The following ITGB4 variants were observed in gnomAD, a reference collection of about 807,000 sequenced individuals.
ITGB4 encodes integrin beta-4.
Under a neutral mutation model 207.6 loss-of-function variants are expected in ITGB4, and 159 were observed. That is an observed-to-expected ratio of 0.77 (90% CI 0.67 to 0.87). ITGB4 has a LOEUF of 0.87. Ranked by LOEUF, ITGB4 falls within the 40% of genes least tolerant of loss-of-function variation. The pLI, the probability that ITGB4 is intolerant of heterozygous loss-of-function variation, is 0.00. For synonymous variants in ITGB4, 1,020 were observed against 1,062.7 expected, an observed-to-expected ratio of 0.96 and a Z score of 0.78; for missense variants, 2,278 against 2,546.8, an observed-to-expected ratio of 0.89 and a Z score of 2.27.
At chr17:75,743,595 T>G in intron 25 of ITGB4, 118 bp from the exon 26 acceptor site, 1 of 1,385,772 alleles carries the variant, frequency 7.2e-7, no homozygotes, top group South Asian at 1.2e-5. Context: ...GGGCAATGCA[T>G]AGAGGGAACC....
In ITGB4 at chr17:75,742,781, G is replaced by A; in HGVS notation, c.2962+20G>A. 6.2e-7 allele frequency: 1 copy of A among 1,600,476 alleles called. No homozygotes were observed. Among genetic ancestry groups the A allele is most frequent in the South Asian group, 1.1e-5 (1 of 90,890 alleles). On this transcript the variant is annotated intron_variant, in intron 25 of 39. Transcript: ENST00000200181. This position sits in a 1 kb window ranked among gnomAD's most constrained non-coding sequence, Gnocchi z 5.9. ...AGCAAGGTGGGTCTGGGTGGGGAGA[G>A]TGGGGAAGGCAGACGGGGGCTCGGG...
Position 75,732,117 on chromosome 17 carries a change from G to T in ITGB4, c.1378-46G>T. ...GAGAGCGGAAGTGTCCAGTGGCCCC[G>T]GTCCTGCTCCCCCGACGCACCCCAC... On this transcript the variant is annotated intron_variant, in intron 11 of 39. Coordinates refer to ENST00000200181, the MANE Select transcript of ITGB4 (RefSeq NM_000213.5). The surrounding 1 kb of genome is among the most constrained non-coding windows in gnomAD (Gnocchi z 5.3). The T allele has an allele frequency of 6.2e-7, 1 of 1,610,154 alleles. No homozygotes were observed. The highest frequency in any genetic ancestry group is 8.5e-7 in the Non-Finnish European group (1 of 1,176,786).
intron 13 of ITGB4, among the ~76,000 whole-genome samples, chr17:75,735,416 T>TC (rs58545929): frequency 4.0e-5 from 5 of 123,762 alleles, no homozygotes; most frequent in African/African-American, 1.1e-4. Flanking sequence ...TCTTTTCTTT[T>TC]TTTTTTTTTT....
Position 75,756,926 on chromosome 17 carries a change from G to T in ITGB4, c.5054-17G>T, listed in dbSNP as rs1371595327. The stretch of plus-strand genomic sequence containing the variant: ...AAAGAGGGGGCCGCAGACGCTGAAG[G>T]CATCTTCCCTGCTCAGGGCCAGCCA... On this transcript the variant is annotated splice_polypyrimidine_tract_variant and intron_variant, in intron 37 of 39. Transcript: ENST00000200181. 6.2e-7 allele frequency: 1 copy of T among 1,612,324 alleles called. No individual in the cohort carries two copies. The highest frequency in any genetic ancestry group is 1.3e-5 in the African/African-American group (1 of 75,022).
In ITGB4 at chr17:75,727,248, G is replaced by C. The variant is rs750249253; in HGVS notation, c.133G>C (p.Asp45His). The part of the protein sequence containing the change: ...VKSCTECVRV[D>H]KDCAYCTDEM... ...GAGCTGCACGGAGTGTGTCCGTGTG[G>C]ATAAGGACTGCGCCTACTGCACAGA... Residue 45 changes from aspartate (D) to histidine (H), a missense_variant, in exon 3 of 40, where the codon GAT becomes CAT. Asp to His is a moderately conservative substitution (Grantham distance 81). Transcript: ENST00000200181. The surrounding 1 kb of genome is among the most constrained non-coding windows in gnomAD (Gnocchi z 6.0). The C allele has an allele frequency of 1.2e-6, 2 of 1,614,054 alleles. No individual in the cohort carries two copies. The highest frequency in any genetic ancestry group is 1.3e-5 in the African/African-American group (1 of 75,060).
rs769286150 is a variant in ITGB4, at chr17:75,751,111, CG to C, written c.3793+1del. ...CTATGGCCTGGTCAACGATGACAAC[CG>C]TAAGAACCAGATCCTTCTTTCCTGC... On this transcript the variant is annotated splice_donor_variant, in intron 30 of 39. Transcript: ENST00000200181. LOFTEE classifies it high-confidence loss of function. The C allele has an allele frequency of 2.2e-5, 36 of 1,613,298 alleles. No individual in the cohort carries two copies. Among genetic ancestry groups the C allele is most frequent in the Non-Finnish European group, 2.4e-5 (28 of 1,180,020 alleles).
At position 75,755,998 on chromosome 17, in the gene ITGB4, C is replaced by G. The variant is rs535632732; in HGVS notation, c.4708+148C>G. On this transcript the variant is annotated intron_variant, in intron 35 of 39. Transcript: ENST00000200181. ...ATCCAGCCTGAGAGGGTCTCCCACC[C>G]CATTCTCCACCCCACTTCTTTGCCT... 35 of 956,520 alleles carry G rather than the reference C, an allele frequency of 3.7e-5. No individual in the cohort carries two copies. The East Asian group carries it at 8.9e-4, about 24-fold the overall frequency. The allele number at this position is 956,520 out of a possible 1,614,324, so 59.3% of individuals were successfully genotyped here.
At chr17:75,730,012 C>A (rs1431426139) in intron 7 of ITGB4, among the ~76,000 whole-genome samples, 3 of 152,240 alleles carry the variant, frequency 2.0e-5, no homozygotes, top group Admixed American at 2.0e-4. Context: ...GTGTGATGCA[C>A]GCCTGTGGCC....
At chr17:75,747,210 G>A (rs1223403258) in intron 26 of ITGB4, among the ~76,000 whole-genome samples, 1 of 152,066 alleles carries the variant, frequency 6.6e-6, no homozygotes, top group African/African-American at 2.4e-5. Context: ...CAGGCGTGGT[G>A]GCTCACACCT....
At position 75,750,380 on chromosome 17, in the gene ITGB4, G is replaced by A; in HGVS notation, c.3474+112G>A. 8.7e-7 allele frequency: 1 copy of A among 1,142,922 alleles called. No homozygotes were observed. The highest frequency in any genetic ancestry group is 1.2e-6 in the Non-Finnish European group (1 of 807,474). The allele number at this position is 1,142,922 out of a possible 1,614,324, so 70.8% of individuals were successfully genotyped here. ...GCCCCCTGAGAGAGAGCAGACAGTG[G>A]AACCTAGCACAGGTGGTCAGAGGGA... On this transcript the variant is annotated intron_variant, in intron 28 of 39. Transcript: ENST00000200181. The surrounding 1 kb of genome is among the most constrained non-coding windows in gnomAD (Gnocchi z 5.5).
At position 75,750,366 on chromosome 17, in the gene ITGB4, G is replaced by A; in HGVS notation, c.3474+98G>A. The A allele has an allele frequency of 7.8e-7, 1 of 1,283,808 alleles. No homozygotes were observed. The highest frequency in any genetic ancestry group is 1.1e-6 in the Non-Finnish European group (1 of 929,890). The allele number at this position is 1,283,808 out of a possible 1,614,324, so 79.5% of individuals were successfully genotyped here. A position where few individuals can be genotyped will look rare whatever the true frequency, so the allele number is the denominator to read the frequency against. On this transcript the variant is annotated intron_variant, in intron 28 of 39. Coordinates refer to ENST00000200181, the MANE Select transcript of ITGB4 (RefSeq NM_000213.5). This position sits in a 1 kb window ranked among gnomAD's most constrained non-coding sequence, Gnocchi z 5.5. ...CGTCCAAGGCCAGGGCCCCCTGAGA[G>A]AGAGCAGACAGTGGAACCTAGCACA... is the stretch of plus-strand genomic sequence containing the variant.
chr17:75,733,039 C>T (rs1810627216), intron 12 of ITGB4, among the ~76,000 whole-genome samples: 1 of 151,608 alleles, frequency 6.6e-6, no homozygotes, highest in Non-Finnish European at 1.5e-5. Context: ...GAGCTGAGAT[C>T]GCGCCACTGC....
chr17:75,723,606 G>A (rs1269533874), intron 1 of ITGB4, among the ~76,000 whole-genome samples: 1 of 152,264 alleles, frequency 6.6e-6, no homozygotes, highest in East Asian at 1.9e-4. Flanking sequence ...GCCTCCTCCA[G>A]GCTGCACGCC....
At chr17:75,741,203 T>C in intron 23 of ITGB4, 198 bp downstream of exon 23, 1 of 698,490 alleles carries the variant, frequency 1.4e-6, no homozygotes, top group Non-Finnish European at 2.5e-6. Flanking sequence ...TGCTATGAAG[T>C]GGCCCCTGGA....
chr17:75,733,385 C>CAAAA, intron 12 of ITGB4, 105 bp from the exon 13 acceptor site: 1 of 810,540 alleles, frequency 1.2e-6, no homozygotes, highest in Non-Finnish European at 1.8e-6. Context: ...GACTCCGTCT[C>CAAAA]AAAAAAAAAA....
rs2290458 is a variant in ITGB4, at chr17:75,740,231, G to T, written c.2447-127G>T. The T allele has an allele frequency of 1.7e-6, 2 of 1,205,312 alleles. No homozygotes were observed. Among genetic ancestry groups the T allele is most frequent in the Non-Finnish European group, 2.4e-6 (2 of 842,116 alleles). 74.7% of individuals were successfully genotyped at this position (1,205,312 alleles called of 1,614,324 possible). A position where few individuals can be genotyped will look rare whatever the true frequency, so the allele number is the denominator to read the frequency against. On this transcript the variant is annotated intron_variant, in intron 20 of 39. Transcript: ENST00000200181. This position sits in a 1 kb window ranked among gnomAD's most constrained non-coding sequence, Gnocchi z 5.9. ...GATGGTGCTATGAACCTCATGCCTCGGTGTGCGTGGCCTGCTGGCCAGGCA... is the reference window on the plus strand; with the variant it reads ...GATGGTGCTATGAACCTCATGCCTCTGTGTGCGTGGCCTGCTGGCCAGGCA...
At chr17:75,756,406 G>A in intron 35 of ITGB4, 23 bp from the exon 36 acceptor site, 1 of 1,612,464 alleles carries the variant, frequency 6.2e-7, no homozygotes, top group South Asian at 1.1e-5. Context: ...GCACTACTGT[G>A]TGCCCCCACC....
rs777796458 is a variant in ITGB4 at position 75,743,793 on chromosome 17, C to T, written c.3043C>T (p.Arg1015Cys). 75 of 1,613,040 alleles carry T rather than the reference C, an allele frequency of 4.6e-5. 1 individual carries two copies. In the South Asian group the frequency reaches 5.2e-4, roughly 11 times the overall value. Reference protein sequence around the residue: ...DQVARIPVIRRVLDGGKSQVS... With the variant: ...DQVARIPVIRCVLDGGKSQVS... ...GGTGGCCCGCATCCCTGTCATCCGG[C>T]GTGTCCTGGACGGCGGGAAGTCCCA... Residue 1015 changes from arginine to cysteine, a missense_variant, in exon 26 of 40, where the codon CGT becomes TGT. Arg to Cys is a radical substitution (Grantham distance 180). Transcript: ENST00000200181.
intron 30 of ITGB4, 53 bp from the exon 31 acceptor site, chr17:75,752,121 T>C: frequency 6.3e-7 from 1 of 1,586,240 alleles, no homozygotes; most frequent in Non-Finnish European, 8.7e-7. Flanking sequence ...AGGGGTGGTG[T>C]TGGGACCAGG....
Sources: gnomAD v4.1 joint callset for allele counts (sites outside exome capture counted in the v4.1 genomes callset) on GRCh38, gnomAD v4.1.1 for gene constraint, Gnocchi (gnomAD v3.1) non-coding constraint, MANE v1.5 for transcripts, NCBI Gene and HGNC (gene_info 2026-07-23, HGNC 2026-07-21) for gene names.